Variants in TMEM63C observed in about 807,000 individuals in gnomAD.
TMEM63C encodes the protein transmembrane protein 63C, also known as osmosensitive cation channel TMEM63C.
TMEM63C carries 32 observed loss-of-function variants against 99.2 expected under a neutral mutation model. That is an observed-to-expected ratio of 0.32 (90% CI 0.24 to 0.43). The LOEUF is 0.43. TMEM63C is among the 20% of genes least tolerant of loss of function. The pLI is 1.00. For missense variants in TMEM63C, 826 were observed against 1,053.0 expected, an observed-to-expected ratio of 0.78 and a Z score of 2.98; for synonymous variants, 376 against 397.9, an observed-to-expected ratio of 0.94 and a Z score of 0.66.
intron 3 of TMEM63C, 147 bp from the exon 4 acceptor site, chr14:77,219,351 C>T (rs1436200147): frequency 1.4e-6 from 1 of 738,646 alleles, no homozygotes; most frequent in Non-Finnish European, 2.3e-6. Flanking sequence ...AAAGGAATGG[C>T]CCCTACTCCA....
At chr14:77,235,292 T>A (rs1889017563) in intron 8 of TMEM63C, among the ~76,000 whole-genome samples, 1 of 149,204 alleles carries the variant, frequency 6.7e-6, no homozygotes, top group South Asian at 2.2e-4. Flanking sequence ...GAGATTGTGA[T>A]CGGTGGGAGG....
intron 2 of TMEM63C, among the ~76,000 whole-genome samples, chr14:77,215,600 C>CA (rs796730995): frequency 1.1e-3 from 89 of 82,374 alleles, no homozygotes; most frequent in South Asian, 1.9e-3. Context: ...GACTCTGTCT[C>CA]AAAAAAAAAA....
At chr14:77,237,222 A>G (rs1027511685) in intron 9 of TMEM63C, among the ~76,000 whole-genome samples, 3 of 151,958 alleles carry the variant, frequency 2.0e-5, no homozygotes, top group Non-Finnish European at 2.9e-5. Context: ...GGGGGCCTCC[A>G]TGCTAAGTGG....
chr14:77,223,907 A>C (rs1186510522), intron 5 of TMEM63C, among the ~76,000 whole-genome samples: 2 of 152,110 alleles, frequency 1.3e-5, no homozygotes, highest in African/African-American at 2.4e-5. Flanking sequence ...CTGTTTGCCC[A>C]GCTGAGCCAT....
chr14:77,187,372 A>G (rs887541677), intron 1 of TMEM63C, among the ~76,000 whole-genome samples: 3 of 152,212 alleles, frequency 2.0e-5, no homozygotes, highest in Non-Finnish European at 4.4e-5. Context: ...CCAGAACCAG[A>G]TTCTGCTGAA....
In TMEM63C at chr14:77,242,864, A is replaced by T. The variant is rs181450293; in HGVS notation, c.1188-39A>T. 133 of 1,612,932 alleles carry T rather than the reference A, an allele frequency of 8.2e-5. No individual in the cohort carries two copies. In the Middle Eastern group the frequency reaches 1.2e-3, roughly 14 times the overall value. On this transcript the variant is annotated intron_variant, in intron 14 of 23. Coordinates refer to ENST00000298351, the MANE Select transcript of TMEM63C (RefSeq NM_020431.4). Reference sequence around the variant, plus strand: ...AACAGCACGTGGGCTCTAAGAACTGATGTCTCTAAATGTGCCTCCTTCTTC... The same window carrying T: ...AACAGCACGTGGGCTCTAAGAACTGTTGTCTCTAAATGTGCCTCCTTCTTC...
At chr14:77,197,682 C>A (rs1286966926) in intron 1 of TMEM63C, among the ~76,000 whole-genome samples, 2 of 152,254 alleles carry the variant, frequency 1.3e-5, no homozygotes, top group Non-Finnish European at 2.9e-5. Flanking sequence ...CCCTAAGACA[C>A]AGTGCAGTCA....
In TMEM63C at chr14:77,219,437, C is replaced by A. The variant is rs1304260945; in HGVS notation, c.151-61C>A. The stretch of plus-strand genomic sequence containing the variant: ...GTCTCCCCCAAGGGAATGCAGGGGG[C>A]CAGCCAAGGGGAAGGGATCCATGAA... On this transcript the variant is annotated intron_variant, in intron 3 of 23. Transcript: ENST00000298351. 2.5e-6 allele frequency: 4 copies of A among 1,569,176 alleles called. No homozygotes were observed. In the African/African-American group the frequency reaches 5.4e-5, roughly 21 times the overall value.
intron 20 of TMEM63C, 90 bp from the exon 21 acceptor site, chr14:77,249,201 A>T (rs549090815): frequency 7.4e-5 from 101 of 1,374,068 alleles, no homozygotes; most frequent in Middle Eastern, 5.5e-4. Flanking sequence ...ACAGCCGTGG[A>T]TCTGGCTTCT....
intron 13 of TMEM63C, 88 bp from the exon 14 acceptor site, chr14:77,242,259 G>A (rs1566629641): frequency 6.8e-7 from 1 of 1,470,842 alleles, no homozygotes; most frequent in Non-Finnish European, 9.4e-7. Context: ...GACCACCATA[G>A]TGGCCCTGAG....
chr14:77,222,923 C>T (rs996110131), intron 5 of TMEM63C, among the ~76,000 whole-genome samples: 1 of 152,230 alleles, frequency 6.6e-6, no homozygotes, highest in Non-Finnish European at 1.5e-5. Context: ...AGGCCCTGAA[C>T]TTGGATTTGC....
At chr14:77,237,710 C>T (rs1299735803) in intron 9 of TMEM63C, among the ~76,000 whole-genome samples, 1 of 152,228 alleles carries the variant, frequency 6.6e-6, no homozygotes, top group Admixed American at 6.5e-5. Context: ...AGAGCAGTCG[C>T]AGTATTTGAA....
intron 1 of TMEM63C, among the ~76,000 whole-genome samples, chr14:77,189,212 C>T (rs535339609): frequency 5.9e-5 from 9 of 151,386 alleles, no homozygotes; most frequent in Non-Finnish European, 1.0e-4. Flanking sequence ...CAGGCTCAAG[C>T]GATCATTCCA....
At chr14:77,198,624 C>T (rs1888247775) in intron 1 of TMEM63C, among the ~76,000 whole-genome samples, 1 of 152,208 alleles carries the variant, frequency 6.6e-6, no homozygotes, top group African/African-American at 2.4e-5. Flanking sequence ...TTCAGTCCTG[C>T]AAACTTCTAG....
intron 2 of TMEM63C, among the ~76,000 whole-genome samples, chr14:77,217,282 A>C (rs1888607099): frequency 6.6e-6 from 1 of 152,074 alleles, no homozygotes; most frequent in African/African-American, 2.4e-5. Context: ...TCCTCCACTT[A>C]AAGTGCTCTT....
At chr14:77,251,159 A>T (rs1348414899) in intron 21 of TMEM63C, among the ~76,000 whole-genome samples, 2 of 152,236 alleles carry the variant, frequency 1.3e-5, no homozygotes, top group African/African-American at 2.4e-5. Flanking sequence ...GTTGCATGAA[A>T]GTCTACCAGT....
chr14:77,188,650 T>G (rs534348208), intron 1 of TMEM63C, among the ~76,000 whole-genome samples: 104 of 152,254 alleles, frequency 6.8e-4, no homozygotes, highest in African/African-American at 2.4e-3. Context: ...GGAGGATTGC[T>G]TGAGCCCAGG....
At chr14:77,252,973 G>T (rs1889395387) in intron 22 of TMEM63C, among the ~76,000 whole-genome samples, 3 of 152,224 alleles carry the variant, frequency 2.0e-5, no homozygotes, top group Admixed American at 2.0e-4. Context: ...CAAATTAGAG[G>T]GGAAGCCACA....
At chr14:77,256,380 A>C (rs1889461040) in intron 23 of TMEM63C, 146 bp from the exon 24 acceptor site, 4 of 762,248 alleles carry the variant, frequency 5.2e-6, no homozygotes, top group Admixed American at 2.3e-5. Flanking sequence ...TGGGACAGAC[A>C]GGACCCAGGC....
Sources: gnomAD v4.1 joint callset for allele counts (sites outside exome capture counted in the v4.1 genomes callset) on GRCh38, gnomAD v4.1.1 for gene constraint, MANE v1.5 for transcripts, NCBI Gene and HGNC (gene_info 2026-07-23, HGNC 2026-07-21) for gene names.